The following CIROP variants were observed in gnomAD, a reference collection of about 807,000 sequenced individuals.
CIROP encodes the protein ciliated left-right organizer metallopeptidase.
chr14:23,101,630 A>C, the CIROP span: 2 of 702,782 alleles, frequency 2.8e-6, no homozygotes, highest in African/African-American at 3.5e-5. Flanking sequence ...TGCCTTCCAG[A>C]CCCACTCAGT....
At chr14:23,099,191 G>A in the CIROP span, 9 of 412,416 alleles carry the variant, frequency 2.2e-5, no homozygotes, top group African/African-American at 1.9e-4. Flanking sequence ...TCCAAAGAAA[G>A]TAGAAATTAA....
At chr14:23,100,854 C>T in the CIROP span, 1 of 399,040 alleles carries the variant, frequency 2.5e-6, no homozygotes. Context: ...TTTTACCTGC[C>T]AGTGCCGCCT....
chr14:23,103,728 T>C, the CIROP span: 1 of 702,986 alleles, frequency 1.4e-6, no homozygotes, highest in South Asian at 1.5e-5. Context: ...AGAAAATCAG[T>C]GTTTTGGACC....
At chr14:23,103,831 GA>G in the CIROP span, 1 of 693,314 alleles carries the variant, frequency 1.4e-6, no homozygotes, top group Non-Finnish European at 2.6e-6. Flanking sequence ...GGCAGGGAGT[GA>G]AATGTTGCAT....
the CIROP span, chr14:23,099,721 C>T: frequency 1.4e-3 from 437 of 317,252 alleles, 3 homozygotes; most frequent in South Asian, 7.7e-3. Flanking sequence ...CGCACCACCA[C>T]GTCTGGCTAA....
At chr14:23,101,437 G>C in the CIROP span, 1 of 599,874 alleles carries the variant, frequency 1.7e-6, no homozygotes, top group Non-Finnish European at 3.0e-6. Flanking sequence ...AGGATGCCTG[G>C]GCTTATCCCC....
chr14:23,101,369 A>G, the CIROP span: 2 of 554,310 alleles, frequency 3.6e-6, no homozygotes, highest in East Asian at 5.8e-5. Context: ...CTCCCTGTGC[A>G]TTGATGTAAG....
the CIROP span, chr14:23,103,734 G>T: frequency 2.8e-6 from 2 of 702,978 alleles, no homozygotes; most frequent in Non-Finnish European, 5.2e-6. Context: ...TCAGTGTTTT[G>T]GACCCCAGGC....
the CIROP span, chr14:23,101,784 A>C: frequency 1.4e-6 from 1 of 702,898 alleles, no homozygotes; most frequent in Non-Finnish European, 2.6e-6. Context: ...AATGGATGGT[A>C]GAGTGACACT....
At chr14:23,101,694 C>T in the CIROP span, 41 of 702,854 alleles carry the variant, frequency 5.8e-5, no homozygotes, top group Non-Finnish European at 8.8e-5. Context: ...CTTGTACATG[C>T]GGCAGCCTTC....
At chr14:23,099,214 G>C in the CIROP span, 1 of 412,852 alleles carries the variant, frequency 2.4e-6, no homozygotes, top group Non-Finnish European at 4.4e-6. Context: ...ATACACAATA[G>C]ATTTTCCATC....
the CIROP span, chr14:23,099,552 A>C: frequency 5.4e-6 from 2 of 372,502 alleles, no homozygotes; most frequent in South Asian, 3.1e-4. Context: ...ATAAAGCGGC[A>C]TTACCTTTTT....
the CIROP span, chr14:23,101,673 T>C: frequency 2.8e-6 from 2 of 702,924 alleles, no homozygotes; most frequent in Non-Finnish European, 5.2e-6. Context: ...ACTCACCCCA[T>C]TGGCTAAGGG....
chr14:23,104,781 C>T, the CIROP span: 115 of 702,690 alleles, frequency 1.6e-4, no homozygotes, highest in African/African-American at 2.8e-4. Context: ...GGAGGAAGAG[C>T]GAGATTTTGA....
At chr14:23,099,549 G>A in the CIROP span, 21 of 402,292 alleles carry the variant, frequency 5.2e-5, no homozygotes, top group East Asian at 4.0e-4. Flanking sequence ...TAGATAAAGC[G>A]GCATTACCTT....
the CIROP span, chr14:23,104,542 C>T: frequency 7.7e-5 from 54 of 701,738 alleles, no homozygotes; most frequent in African/African-American, 8.0e-4. Context: ...GCTGATCTTC[C>T]TCCCCTGGAC....
the CIROP span, chr14:23,104,296 T>A: frequency 1.4e-6 from 1 of 692,908 alleles, no homozygotes; most frequent in Non-Finnish European, 2.7e-6. Context: ...AGGCTGCACC[T>A]ATAAGAATGA....
the CIROP span, chr14:23,103,960 C>T: frequency 1.7e-6 from 1 of 590,218 alleles, no homozygotes; most frequent in South Asian, 2.1e-5. Flanking sequence ...GCCCCTTCAC[C>T]CCCAGTCTCT....
the CIROP span, chr14:23,102,983 A>G: frequency 1.7e-6 from 1 of 583,710 alleles, no homozygotes; most frequent in South Asian, 2.2e-5. Context: ...CACAGTAGAC[A>G]ATGGTACCAG....
Sources: allele counts gnomAD v4.1 joint callset, GRCh38; gene constraint gnomAD v4.1.1; transcripts MANE v1.5; gene names NCBI Gene and HGNC (gene_info 2026-07-23, HGNC 2026-07-21).